Variants in CD83 observed in about 807,000 individuals in gnomAD.
CD83 encodes CD83 antigen.
In CD83, 22 loss-of-function variants were observed where a neutral mutation model predicts 24.6. The ratio of observed to expected loss-of-function variants is 0.90; its 90% CI spans 0.64 to 1.28. CD83 has a LOEUF of 1.28. CD83 is among the 50% of genes most tolerant of loss of function. The probability of loss-of-function intolerance (pLI) is 0.00; values close to 1 mark genes in which losing one functional copy is unlikely to be tolerated. For missense variants in CD83, 253 were observed against 252.8 expected (o/e 1.00, Z -0.01); for synonymous variants, 101 against 103.5 (o/e 0.98, Z 0.14).
rs528724572 is a variant in CD83 at position 14,136,233 on chromosome 6, C to T, written c.*997C>T. On this transcript the variant is annotated 3_prime_UTR_variant, in exon 5 of 5. Coordinates refer to ENST00000379153, the MANE Select transcript of CD83 (RefSeq NM_004233.4). ...TATAAAGCACTATACAGATTCGAAA[C>T]TCCATTGAGTCATTATCCTTGCTAT... The T allele has an allele frequency of 6.6e-6, 1 of 152,366 alleles. No homozygotes were observed. Among genetic ancestry groups the T allele is most frequent in the Middle Eastern group, 3.4e-3 (1 of 294 alleles). The allele number at this position is 152,366 out of a possible 1,614,324, so 9.4% of individuals were successfully genotyped here.
rs1758065308 is a variant in CD83, at chr6:14,136,865, A to G, written c.*1629A>G. The G allele has an allele frequency of 6.6e-6, 1 of 152,218 alleles. No homozygotes were observed. Among genetic ancestry groups the G allele is most frequent in the South Asian group, 2.1e-4 (1 of 4,826 alleles). The allele number at this position is 152,218 out of a possible 1,614,324, so 9.4% of individuals were successfully genotyped here. A position where few individuals can be genotyped will look rare whatever the true frequency, so the allele number is the denominator to read the frequency against. ...TTAAAATGAAAGTTAAAAATAAAAA[A>G]CATATACAAATAAAAAAATCCCGAC... On this transcript the variant is annotated 3_prime_UTR_variant, in exon 5 of 5. Coordinates refer to ENST00000379153, the MANE Select transcript of CD83 (RefSeq NM_004233.4).
chr6:14,127,921 G>A (rs1759858180), intron 2 of CD83, among the ~76,000 whole-genome samples: 1 of 152,222 alleles, frequency 6.6e-6, no homozygotes, highest in Non-Finnish European at 1.5e-5. Context: ...TTAGCGCACT[G>A]TACTACAATA....
chr6:14,133,821 C>G (rs1489055402), intron 4 of CD83, 66 bp downstream of exon 4: 2 of 1,060,152 alleles, frequency 1.9e-6, no homozygotes, highest in African/African-American at 1.7e-5. Context: ...CCAAGTATCT[C>G]TTGCAGATAG....
At chr6:14,133,232 CA>C (rs1396781410) in intron 3 of CD83, among the ~76,000 whole-genome samples, 26 of 152,332 alleles carry the variant, frequency 1.7e-4, no homozygotes, top group African/African-American at 5.8e-4. Flanking sequence ...TCTGGATTAA[CA>C]AGTGGTGGTT....
chr6:14,126,708 A>G (rs1759824312), intron 2 of CD83, among the ~76,000 whole-genome samples: 2 of 152,158 alleles, frequency 1.3e-5, no homozygotes, highest in Non-Finnish European at 1.5e-5. Flanking sequence ...GAGCCAAACT[A>G]TTTTGCACAT....
chr6:14,124,116 A>G (rs994961781), intron 2 of CD83, among the ~76,000 whole-genome samples: 1 of 151,972 alleles, frequency 6.6e-6, no homozygotes, highest in Non-Finnish European at 1.5e-5. Context: ...TTTGTTTTTC[A>G]TTTTGTTTTG....
chr6:14,119,134 T>C (rs1581325030), intron 2 of CD83, among the ~76,000 whole-genome samples: 1 of 152,234 alleles, frequency 6.6e-6, no homozygotes. Flanking sequence ...GGGCAGTGGC[T>C]GTATCCATAC....
intron 2 of CD83, among the ~76,000 whole-genome samples, chr6:14,127,567 C>T (rs928215635): frequency 1.3e-5 from 2 of 150,846 alleles, no homozygotes; most frequent in African/African-American, 2.4e-5. Flanking sequence ...AAAAAACTGA[C>T]TCCATTCACG....
Position 14,131,680 on chromosome 6 carries a change from A to G in CD83, c.314A>G (p.Tyr105Cys). Residue 105 changes from tyrosine (Y) to cysteine (C), a missense_variant, in exon 3 of 5, where the codon TAC becomes TGC. Coordinates refer to ENST00000379153, the MANE Select transcript of CD83 (RefSeq NM_004233.4). ...ACTACCAGCTGCAACTCGGGGACAT[A>G]CAGGTGCACTCTGCAGGACCCGGAT... ...RNTTSCNSGTYRCTLQDPDGQ... is the reference protein window; with the variant it reads ...RNTTSCNSGTCRCTLQDPDGQ... The G allele has an allele frequency of 1.2e-6, 2 of 1,614,178 alleles. No individual in the cohort carries two copies. The highest frequency in any genetic ancestry group is 1.7e-6 in the Non-Finnish European group (2 of 1,180,012).
At chr6:14,126,997 AT>A (rs1041956552) in intron 2 of CD83, among the ~76,000 whole-genome samples, 1 of 141,052 alleles carries the variant, frequency 7.1e-6, no homozygotes, top group Non-Finnish European at 1.6e-5. Context: ...TTATTTTTTT[AT>A]TTTTTTTTAA....
chr6:14,122,926 A>G (rs1759701084), intron 2 of CD83, among the ~76,000 whole-genome samples: 1 of 152,220 alleles, frequency 6.6e-6, no homozygotes, highest in Admixed American at 6.5e-5. Context: ...CCATTGAGGT[A>G]ACCAGTGATG....
chr6:14,135,349 C>A lies in CD83; in HGVS notation c.*113C>A. On this transcript the variant is annotated 3_prime_UTR_variant, in exon 5 of 5. Transcript: ENST00000379153. ...GCTGAAGATGGCATCCTGTGAAGTC[C>A]TTCACCTCACTGAAAACATCTGGAA... 8.5e-7 allele frequency: 1 copy of A among 1,172,850 alleles called. No homozygotes were observed. The highest frequency in any genetic ancestry group is 1.6e-5 in the South Asian group (1 of 64,328). The allele number at this position is 1,172,850 out of a possible 1,614,324, so 72.7% of individuals were successfully genotyped here. A position where few individuals can be genotyped will look rare whatever the true frequency, so the allele number is the denominator to read the frequency against.
intron 3 of CD83, among the ~76,000 whole-genome samples, chr6:14,132,519 G>A (rs1581334114): frequency 6.6e-6 from 1 of 152,214 alleles, no homozygotes; most frequent in South Asian, 2.1e-4. Flanking sequence ...TTTTGTTAGT[G>A]TGTGACCTTG....
chr6:14,133,863 A>G, intron 4 of CD83, 108 bp downstream of exon 4: 1 of 704,322 alleles, frequency 1.4e-6, no homozygotes, highest in East Asian at 2.7e-5. Flanking sequence ...GAGAGAGATT[A>G]TTCTTTGAAC....
rs774990924 is a variant in CD83, at chr6:14,131,725, G to A, written c.359G>A (p.Gly120Asp). Residue 120 changes from glycine (G) to aspartate (D), a missense_variant, in exon 3 of 5, where the codon GGC (glycine) becomes GAC (aspartate). Gly to Asp is a moderately conservative substitution (Grantham distance 94). Transcript: ENST00000379153. Reference protein sequence around the residue: ...QDPDGQRNLSGKVILRVTGCP... With the variant: ...QDPDGQRNLSDKVILRVTGCP... The stretch of plus-strand genomic sequence containing the variant: ...CCGGATGGGCAGAGAAACCTAAGTG[G>A]CAAGGTGATCTTGAGAGTGACAGGT... 1.1e-5 allele frequency: 18 copies of A among 1,613,632 alleles called. No homozygotes were observed. Among genetic ancestry groups the A allele is most frequent in the Middle Eastern group, 1.6e-4 (1 of 6,080 alleles).
intron 2 of CD83, among the ~76,000 whole-genome samples, chr6:14,123,154 G>A (rs929648244): frequency 4.0e-5 from 6 of 149,200 alleles, no homozygotes; most frequent in Non-Finnish European, 1.5e-5. Flanking sequence ...CTGGAATACT[G>A]TGGTGTGATC....
chr6:14,121,269 G>A (rs538232851), intron 2 of CD83, among the ~76,000 whole-genome samples: 10 of 151,946 alleles, frequency 6.6e-5, no homozygotes, highest in African/African-American at 1.2e-4. Flanking sequence ...TCCTGGGCTC[G>A]AGTAATCCTC....
Position 14,133,736 on chromosome 6 carries a change from C to T in CD83, c.470C>T (p.Thr157Ile). Residue 157 changes from threonine (T) to isoleucine (I), a missense_variant, in exon 4 of 5, where the codon ACA (threonine) becomes ATA (isoleucine). Coordinates refer to ENST00000379153, the MANE Select transcript of CD83 (RefSeq NM_004233.4). ...LLLALVIFYL[T>I]LIIFTCKFAR... ...CTGGCTCTGGTTATTTTCTACTTAA[C>T]ACTCATCATTTTCACTTGTGTAAGT... 1.2e-6 allele frequency: 2 copies of T among 1,608,748 alleles called. No homozygotes were observed. The highest frequency in any genetic ancestry group is 1.7e-6 in the Non-Finnish European group (2 of 1,175,442).
At chr6:14,131,491 C>T (rs771106706) in intron 2 of CD83, 29 bp from the exon 3 acceptor site, 30 of 1,537,892 alleles carry the variant, frequency 2.0e-5, no homozygotes, top group Middle Eastern at 1.7e-4. Flanking sequence ...TGCAGTGGAC[C>T]GTGATGCGCT....
Sources: gnomAD v4.1 joint callset for allele counts (sites outside exome capture counted in the v4.1 genomes callset) on GRCh38, gnomAD v4.1.1 for gene constraint, MANE v1.5 for transcripts, NCBI Gene and HGNC (gene_info 2026-07-23, HGNC 2026-07-21) for gene names.